H1-6: variants seen among roughly 807,000 people sequenced by gnomAD.
H1-6 encodes H1.6 linker histone, cluster member.
For synonymous variants in H1-6, 225 were observed against 100.1 expected (o/e 2.25, Z -7.45); for missense variants, 538 against 246.5 (o/e 2.18, Z -7.92).
chr6:26,107,459 C>G lies in H1-6; in HGVS notation c.*11G>C, dbSNP rs781039123. The stretch of plus-strand genomic sequence containing the variant: ...TTGGGTTCTTTCCAAATTGGCCTCC[C>G]GGAAAGCTCTTTACTTCTTAGATGT... On this transcript the variant is annotated 3_prime_UTR_variant, in exon 1 of 1. Transcript: ENST00000338379. 1.9e-6 allele frequency: 3 copies of G among 1,571,268 alleles called. No individual in the cohort carries two copies. Among genetic ancestry groups the G allele is most frequent in the African/African-American group, 1.4e-5 (1 of 72,414 alleles).
Position 26,107,999 on chromosome 6 carries a change from A to T in H1-6, c.95T>A (p.Leu32Ter). Residue 32 changes from leucine (L) to a stop codon, truncating the protein, a stop_gained, in exon 1 of 1, where the codon TTG becomes TAG. Transcript: ENST00000338379. LOFTEE classifies it low-confidence loss of function (END_TRUNC). The stretch of plus-strand genomic sequence containing the variant: ...CGGCACTTTGCGACTTGCACTTATC[A>T]AGCCAGCCGGCTTCCTCCCTCGCTT... ...TKKRGRKPAG[L>*]ISASRKVPNL... 6.2e-7 allele frequency: 1 copy of T among 1,614,166 alleles called. No homozygotes were observed. The highest frequency in any genetic ancestry group is 8.5e-7 in the Non-Finnish European group (1 of 1,180,034).
At position 26,107,482 on chromosome 6, in the gene H1-6, T is replaced by C; in HGVS notation, c.612A>G (p.Thr204=). ...CCCGGAAAGCTCTTTACTTCTTAGA[T>C]GTGGCCTTTCTAACATTAACTTCAT... is the stretch of plus-strand genomic sequence containing the variant. ...QHHEVNVRKA[T]SKK is the part of the protein sequence containing the mutation. Residue 204 remains threonine, a synonymous_variant, in exon 1 of 1, where the codon ACA becomes ACG. Transcript: ENST00000338379. 1.2e-6 allele frequency: 2 copies of C among 1,601,448 alleles called. No homozygotes were observed. Among genetic ancestry groups the C allele is most frequent in the East Asian group, 2.2e-5 (1 of 44,836 alleles).
rs753850013 is a variant in H1-6, at chr6:26,107,554, C to T, written c.540G>A (p.Lys180=). Residue 180 remains lysine, a synonymous_variant, in exon 1 of 1, where the codon AAG becomes AAA. Transcript: ENST00000338379. The part of the protein sequence containing the change: ...AKGAKGKQQQ[K]SPVKARASKS... ...TCGAAGCCCTTGCCTTCACTGGGCT[C>T]TTCTGCTGTTGCTTACCCTTGGCTC... 3.1e-6 allele frequency: 5 copies of T among 1,613,952 alleles called. No individual in the cohort carries two copies. The highest frequency in any genetic ancestry group is 1.7e-5 in the Admixed American group (1 of 59,988).
In H1-6 at chr6:26,108,072, C is replaced by A. The variant is rs151043274; in HGVS notation, c.22G>T (p.Ala8Ser). The A allele has an allele frequency of 6.2e-7, 1 of 1,614,098 alleles. No individual in the cohort carries two copies. Among genetic ancestry groups the A allele is most frequent in the Admixed American group, 1.7e-5 (1 of 60,032 alleles). Residue 8 changes from alanine to serine, a missense_variant, in exon 1 of 1, where the codon GCT becomes TCT. Transcript: ENST00000338379. MSETVPA[A>S]SASAGVAAME... ...GCGGCTACACCAGCACTGGCAGAAGCTGCAGGCACGGTTTCAGACATAACA... is the reference window on the plus strand; with the variant it reads ...GCGGCTACACCAGCACTGGCAGAAGATGCAGGCACGGTTTCAGACATAACA...
At position 26,107,860 on chromosome 6, in the gene H1-6, C is replaced by G; in HGVS notation, c.234G>C (p.Glu78Asp). 6.2e-7 allele frequency: 1 copy of G among 1,614,246 alleles called. No homozygotes were observed. The highest frequency in any genetic ancestry group is 1.3e-5 in the African/African-American group (1 of 75,052). The change falls in exon 1 of 1, where the codon GAG becomes GAC. Residue 78 changes from glutamate to aspartate, a missense_variant. Transcript: ENST00000338379. ...KALAAAGYDV[E>D]KNNSRIKLSL... is the part of the protein sequence containing the mutation. ...ACAGTTTGATGCGGCTGTTATTCTTCTCTACGTCGTAGCCAGCAGCGGCCA... is the reference window on the plus strand; with the variant it reads ...ACAGTTTGATGCGGCTGTTATTCTTGTCTACGTCGTAGCCAGCAGCGGCCA...
chr6:26,107,576 G>A lies in H1-6; in HGVS notation c.518C>T (p.Ala173Val), dbSNP rs1451539442. 3.7e-6 allele frequency: 6 copies of A among 1,614,004 alleles called. No homozygotes were observed. Among genetic ancestry groups the A allele is most frequent in the Non-Finnish European group, 5.1e-6 (6 of 1,179,986 alleles). The change falls in exon 1 of 1, where the codon GCC (alanine) becomes GTC (valine). Residue 173 changes from alanine to valine, a missense_variant. By Grantham distance (64) the Ala-to-Val change is moderately conservative (BLOSUM62 0). Transcript: ENST00000338379. ...GCTCTTCTGCTGTTGCTTACCCTTG[G>A]CTCCTTTAGCCTTTCTCCCGCTCCT... ...TVRSGRKAKG[A>V]KGKQQQKSPV...
Position 26,108,074 on chromosome 6 carries a change from G to A in H1-6, c.20C>T (p.Ala7Val), listed in dbSNP as rs780087131. The change falls in exon 1 of 1, where the codon GCA becomes GTA. Residue 7 changes from alanine (A) to valine (V), a missense_variant. By Grantham distance (64) the Ala-to-Val change is moderately conservative. Coordinates refer to ENST00000338379, the MANE Select transcript of H1-6 (RefSeq NM_005323.4). MSETVP[A>V]ASASAGVAAM... ...GGCTACACCAGCACTGGCAGAAGCT[G>A]CAGGCACGGTTTCAGACATAACAAC... 7 of 1,613,978 alleles carry A rather than the reference G, an allele frequency of 4.3e-6. No homozygotes were observed. The African/African-American group carries it at 5.3e-5, about 12-fold the overall frequency.
rs1175912827 is a variant in H1-6 at position 26,108,031 on chromosome 6, T to G, written c.63A>C (p.Pro21=). 15 of 1,614,192 alleles carry G rather than the reference T, an allele frequency of 9.3e-6. No individual in the cohort carries two copies. Among genetic ancestry groups the G allele is most frequent in the East Asian group, 2.2e-5 (1 of 44,876 alleles). The change falls in exon 1 of 1, where the codon CCA becomes CCC. Residue 21 remains proline (P), a synonymous_variant. Transcript: ENST00000338379. ...CCGGCTTCCTCCCTCGCTTCTTGGT[T>G]GGAAGTTTCTCCATAGCGGCTACAC... ...SAGVAAMEKL[P]TKKRGRKPAG...
Position 26,107,560 on chromosome 6 carries a change from C to T in H1-6, c.534G>A (p.Gln178=), listed in dbSNP as rs149937283. The T allele has an allele frequency of 1.6e-5, 26 of 1,614,012 alleles. No individual in the cohort carries two copies. In the African/African-American group the frequency reaches 3.2e-4, roughly 20 times the overall value. ...RKAKGAKGKQ[Q]QKSPVKARAS... is the part of the protein sequence containing the mutation. ...CCCTTGCCTTCACTGGGCTCTTCTGCTGTTGCTTACCCTTGGCTCCTTTAG... is the reference window on the plus strand; with the variant it reads ...CCCTTGCCTTCACTGGGCTCTTCTGTTGTTGCTTACCCTTGGCTCCTTTAG... The change falls in exon 1 of 1, where the codon CAG becomes CAA. Residue 178 remains glutamine, a synonymous_variant. Coordinates refer to ENST00000338379, the MANE Select transcript of H1-6 (RefSeq NM_005323.4).
In H1-6 at chr6:26,108,064, G is replaced by A. The variant is rs779189433; in HGVS notation, c.30C>T (p.Ala10=). 21 of 1,614,028 alleles carry A rather than the reference G, an allele frequency of 1.3e-5. No homozygotes were observed. The highest frequency in any genetic ancestry group is 5.3e-5 in the African/African-American group (4 of 74,918). The change falls in exon 1 of 1, where the codon GCC becomes GCT. Residue 10 remains alanine, a synonymous_variant. Coordinates refer to ENST00000338379, the MANE Select transcript of H1-6 (RefSeq NM_005323.4). MSETVPAAS[A]SAGVAAMEKL... ...TCTCCATAGCGGCTACACCAGCACTGGCAGAAGCTGCAGGCACGGTTTCAG... is the reference window on the plus strand; with the variant it reads ...TCTCCATAGCGGCTACACCAGCACTAGCAGAAGCTGCAGGCACGGTTTCAG...
rs754519206 is a variant in H1-6, at chr6:26,108,120, A to T, written c.-27T>A. On this transcript the variant is annotated 5_prime_UTR_variant, in exon 1 of 1. Transcript: ENST00000338379. Reference sequence around the variant, plus strand: ...ACAACAGAGAAACGCAAGATGTAATAACCAGCGAAAAGCATGAAACACCCG... The same window carrying T: ...ACAACAGAGAAACGCAAGATGTAATTACCAGCGAAAAGCATGAAACACCCG... 6.2e-7 allele frequency: 1 copy of T among 1,605,920 alleles called. No homozygotes were observed.
Position 26,108,070 on chromosome 6 carries a change from A to C in H1-6, c.24T>G (p.Ala8=), listed in dbSNP as rs142778649. The C allele has an allele frequency of 5.6e-6, 9 of 1,614,164 alleles. No individual in the cohort carries two copies. The highest frequency in any genetic ancestry group is 7.6e-6 in the Non-Finnish European group (9 of 1,180,020). ...TAGCGGCTACACCAGCACTGGCAGA[A>C]GCTGCAGGCACGGTTTCAGACATAA... The part of the protein sequence containing the change: MSETVPA[A]SASAGVAAME... The change falls in exon 1 of 1, where the codon GCT becomes GCG. Residue 8 remains alanine, a synonymous_variant. Coordinates refer to ENST00000338379, the MANE Select transcript of H1-6 (RefSeq NM_005323.4).
At position 26,107,924 on chromosome 6, in the gene H1-6, T is replaced by A. The variant is rs756772624; in HGVS notation, c.170A>T (p.Glu57Val). ...LITEALSVSQERVGMSLVALK... is the reference protein window; with the variant it reads ...LITEALSVSQVRVGMSLVALK... ...CGCAACCAAAGACATACCTACTCGTTCCTGTGACACTGAAAGGGCCTCGGT... is the reference window on the plus strand; with the variant it reads ...CGCAACCAAAGACATACCTACTCGTACCTGTGACACTGAAAGGGCCTCGGT... The change falls in exon 1 of 1, where the codon GAA (glutamate) becomes GTA (valine). Residue 57 changes from glutamate to valine, a missense_variant. Physicochemically the swap from Glu to Val is moderately radical, Grantham distance 121 (BLOSUM62 -2). Coordinates refer to ENST00000338379, the MANE Select transcript of H1-6 (RefSeq NM_005323.4). 6.2e-7 allele frequency: 1 copy of A among 1,614,198 alleles called. No individual in the cohort carries two copies. Among genetic ancestry groups the A allele is most frequent in the South Asian group, 1.1e-5 (1 of 91,088 alleles).
rs140463417 is a variant in H1-6, at chr6:26,108,017, C to T, written c.77G>A (p.Gly26Glu). The change falls in exon 1 of 1, where the codon GGG (glycine) becomes GAG (glutamate). Residue 26 changes from glycine to glutamate, a missense_variant. Transcript: ENST00000338379. ...AMEKLPTKKR[G>E]RKPAGLISAS... Reference sequence around the variant, plus strand: ...ACTTATCAAGCCAGCCGGCTTCCTCCCTCGCTTCTTGGTTGGAAGTTTCTC... The same window carrying T: ...ACTTATCAAGCCAGCCGGCTTCCTCTCTCGCTTCTTGGTTGGAAGTTTCTC... 7.4e-5 allele frequency: 119 copies of T among 1,614,098 alleles called. No individual in the cohort carries two copies. The African/African-American group carries it at 1.4e-3, about 19-fold the overall frequency.
chr6:26,107,905 C>T lies in H1-6; in HGVS notation c.189G>A (p.Leu63=). Residue 63 remains leucine, a synonymous_variant, in exon 1 of 1, where the codon TTG becomes TTA. Transcript: ENST00000338379. ...CGGCCAATGCCTTCTTGAGCGCAAC[C>T]AAAGACATACCTACTCGTTCCTGTG... ...SVSQERVGMS[L]VALKKALAAA... 1 of 1,614,214 alleles carries T rather than the reference C, an allele frequency of 6.2e-7. No homozygotes were observed. Among genetic ancestry groups the T allele is most frequent in the Non-Finnish European group, 8.5e-7 (1 of 1,180,048 alleles).
In H1-6 at chr6:26,108,126, C is replaced by G; in HGVS notation, c.-33G>C. The G allele has an allele frequency of 6.2e-7, 1 of 1,602,636 alleles. No homozygotes were observed. Among genetic ancestry groups the G allele is most frequent in the Non-Finnish European group, 8.5e-7 (1 of 1,174,268 alleles). ...GAGAAACGCAAGATGTAATAACCAG[C>G]GAAAAGCATGAAACACCCGGGCGGC... is the stretch of plus-strand genomic sequence containing the variant. On this transcript the variant is annotated 5_prime_UTR_variant, in exon 1 of 1. Coordinates refer to ENST00000338379, the MANE Select transcript of H1-6 (RefSeq NM_005323.4).
rs570046406 is a variant in H1-6, at chr6:26,108,035, A to G, written c.59T>C (p.Leu20Pro). The G allele has an allele frequency of 1.2e-6, 2 of 1,614,212 alleles. No homozygotes were observed. The highest frequency in any genetic ancestry group is 3.3e-5 in the Admixed American group (2 of 60,026). The change falls in exon 1 of 1, where the codon CTT (leucine) becomes CCT (proline). Residue 20 changes from leucine to proline, a missense_variant. By Grantham distance (98) the Leu-to-Pro change is moderately conservative (BLOSUM62 -3). Transcript: ENST00000338379. Reference protein sequence around the residue: ...ASAGVAAMEKLPTKKRGRKPA... With the variant: ...ASAGVAAMEKPPTKKRGRKPA... ...CTTCCTCCCTCGCTTCTTGGTTGGA[A>G]GTTTCTCCATAGCGGCTACACCAGC...
At position 26,107,704 on chromosome 6, in the gene H1-6, G is replaced by C. The variant is rs372879259; in HGVS notation, c.390C>G (p.Ala130=). The change falls in exon 1 of 1, where the codon GCC becomes GCG. Residue 130 remains alanine (A), a synonymous_variant. Coordinates refer to ENST00000338379, the MANE Select transcript of H1-6 (RefSeq NM_005323.4). ...TRSKAKKSVS[A]KTKKLVLSRD... is the part of the protein sequence containing the mutation. ...TGGATAAAACCAGCTTCTTGGTCTT[G>C]GCAGAAACTGACTTTTTAGCCTTGC... 5 of 1,613,970 alleles carry C rather than the reference G, an allele frequency of 3.1e-6. No homozygotes were observed. The highest frequency in any genetic ancestry group is 1.3e-5 in the African/African-American group (1 of 74,882).
chr6:26,107,505 C>CATG lies in H1-6; in HGVS notation c.586_588dup (p.His196dup). 1 of 1,608,206 alleles carries CATG rather than the reference C, an allele frequency of 6.2e-7. No homozygotes were observed. Among genetic ancestry groups the CATG allele is most frequent in the Non-Finnish European group, 8.5e-7 (1 of 1,178,322 alleles). ...GATGTGGCCTTTCTAACATTAACTTCATGATGTTGGGTCAATTTTGACTTC... is the reference window on the plus strand; with the variant it reads ...GATGTGGCCTTTCTAACATTAACTTCATGATGATGTTGGGTCAATTTTGACTTC... On this transcript the variant is annotated inframe_insertion, in exon 1 of 1. Transcript: ENST00000338379.
Sources: gnomAD v4.1 joint callset for allele counts on GRCh38, gnomAD v4.1.1 for gene constraint, MANE v1.5 for transcripts, NCBI Gene and HGNC (gene_info 2026-07-23, HGNC 2026-07-21) for gene names.